BAZ2B: variants seen among roughly 807,000 people sequenced by gnomAD.
The protein encoded by BAZ2B is bromodomain adjacent to zinc finger domain 2B, also known as bromodomain adjacent to zinc finger domain protein 2B.
In BAZ2B, 91 loss-of-function variants were observed where a neutral mutation model predicts 246.0. The observed-to-expected ratio is 0.37, with a 90% CI of 0.31 to 0.44. The LOEUF is 0.44. Among genes scored for constraint, BAZ2B ranks in the 20% least tolerant of loss-of-function variants. The pLI is 1.00. For missense variants in BAZ2B, 2,332 were observed against 2,533.7 expected, an observed-to-expected ratio of 0.92 and a Z score of 1.71; for synonymous variants, 855 against 860.0, an observed-to-expected ratio of 0.99 and a Z score of 0.10.
chr2:159,669,994 C>T, the BAZ2B span, among the ~76,000 whole-genome samples: 2 of 151,716 alleles, frequency 1.3e-5, no homozygotes, highest in East Asian at 1.9e-4. Context: ...TTCTTGAGAT[C>T]GAGTCTTGCT....
intron 2 of BAZ2B, 26 bp from the exon 3 acceptor site, chr2:159,478,747 T>G: frequency 7.0e-7 from 1 of 1,431,610 alleles, no homozygotes; most frequent in Admixed American, 2.6e-5. Context: ...ATGTTAATTC[T>G]CAGTATCAGA....
At chr2:159,418,896 C>G (rs2150020765) in intron 13 of BAZ2B, among the ~76,000 whole-genome samples, 1 of 152,232 alleles carries the variant, frequency 6.6e-6, no homozygotes, top group East Asian at 1.9e-4. Flanking sequence ...ACTGAGACCT[C>G]TATCTATCCC....
intron 1 of BAZ2B, among the ~76,000 whole-genome samples, chr2:159,592,028 G>A (rs950245241): frequency 5.3e-5 from 8 of 152,192 alleles, no homozygotes; most frequent in Middle Eastern, 6.8e-3. Context: ...GTTGAGGCGT[G>A]AGGATCTGTT....
intron 2 of BAZ2B, among the ~76,000 whole-genome samples, chr2:159,498,881 G>A (rs992796046): frequency 5.3e-5 from 8 of 151,990 alleles, no homozygotes; most frequent in South Asian, 2.1e-4. Flanking sequence ...CATAAATAAC[G>A]TTGACTTTTA....
intron 2 of BAZ2B, among the ~76,000 whole-genome samples, chr2:159,522,987 C>T (rs1233413936): frequency 6.6e-6 from 1 of 152,130 alleles, no homozygotes; most frequent in Non-Finnish European, 1.5e-5. Context: ...GAATCTTGGC[C>T]AGGTATGGTG....
intron 2 of BAZ2B, among the ~76,000 whole-genome samples, chr2:159,550,204 G>A (rs1399825422): frequency 1.3e-5 from 2 of 152,168 alleles, no homozygotes; most frequent in Non-Finnish European, 2.9e-5. Context: ...TTTTGGCCAG[G>A]AGTGACAGAA....
chr2:159,445,067 C>A (rs888290841), intron 6 of BAZ2B, among the ~76,000 whole-genome samples: 2 of 152,078 alleles, frequency 1.3e-5, no homozygotes, highest in African/African-American at 4.8e-5. Context: ...TCAATGATGA[C>A]CTACATTTTA....
chr2:159,666,639 T>A, the BAZ2B span, among the ~76,000 whole-genome samples: 1 of 152,076 alleles, frequency 6.6e-6, no homozygotes, highest in African/African-American at 2.4e-5. Context: ...GTGGATCACT[T>A]GATGTCAGGG....
chr2:159,525,808 AT>A (rs1483109957), intron 2 of BAZ2B, among the ~76,000 whole-genome samples: 3 of 152,316 alleles, frequency 2.0e-5, no homozygotes, highest in African/African-American at 7.2e-5. Context: ...TGGGAGAGAT[AT>A]TTATTTGGCT....
chr2:159,354,696 T>A (rs2058912104), intron 27 of BAZ2B, among the ~76,000 whole-genome samples: 1 of 152,204 alleles, frequency 6.6e-6, no homozygotes, highest in South Asian at 2.1e-4. Flanking sequence ...GGATATTTAG[T>A]GTAAAGAGAT....
At chr2:159,579,866 C>G (rs916554014) in intron 1 of BAZ2B, among the ~76,000 whole-genome samples, 1 of 152,172 alleles carries the variant, frequency 6.6e-6, no homozygotes, top group Non-Finnish European at 1.5e-5. Flanking sequence ...CAAAATTTAA[C>G]AGCCCTTCAT....
intron 2 of BAZ2B, among the ~76,000 whole-genome samples, chr2:159,502,976 C>T (rs969391688): frequency 1.3e-5 from 2 of 152,162 alleles, no homozygotes; most frequent in Non-Finnish European, 2.9e-5. Flanking sequence ...TATATATCTT[C>T]TCTCTATTCC....
chr2:159,611,100 G>T (rs188026967), intron 1 of BAZ2B, among the ~76,000 whole-genome samples: 182 of 151,888 alleles, frequency 1.2e-3, no homozygotes, highest in Admixed American at 1.8e-3. Flanking sequence ...ACGGTCAACA[G>T]AAAAAACTGT....
the BAZ2B span, among the ~76,000 whole-genome samples, chr2:159,665,916 T>C: frequency 6.6e-6 from 1 of 152,190 alleles, no homozygotes; most frequent in Non-Finnish European, 1.5e-5. Flanking sequence ...AATTGTAATG[T>C]GTGTGAAATG....
intron 2 of BAZ2B, among the ~76,000 whole-genome samples, chr2:159,517,313 T>TC (rs967385428): frequency 1.1e-4 from 16 of 151,886 alleles, no homozygotes; most frequent in South Asian, 4.1e-4. Flanking sequence ...GTTTTTTTTT[T>TC]CCCCCCAAAT....
intron 8 of BAZ2B, chr2:159,434,169 T>TA (rs1453261361): frequency 6.6e-6 from 1 of 151,964 alleles, no homozygotes; most frequent in Non-Finnish European, 1.5e-5. Flanking sequence ...TTATTATTAT[T>TA]ATTATTTTTT....
chr2:159,538,848 G>C (rs1170867569), intron 2 of BAZ2B, among the ~76,000 whole-genome samples: 1 of 152,200 alleles, frequency 6.6e-6, no homozygotes, highest in Non-Finnish European at 1.5e-5. Context: ...GAGGGAAAAA[G>C]GAAGGGGAAG....
intron 1 of BAZ2B, among the ~76,000 whole-genome samples, chr2:159,560,436 T>C (rs2089708655): frequency 6.6e-6 from 1 of 152,216 alleles, no homozygotes; most frequent in African/African-American, 2.4e-5. Context: ...ACAAATCATG[T>C]GCTATTTGTA....
chr2:159,610,993 T>C (rs557047434), intron 1 of BAZ2B, among the ~76,000 whole-genome samples: 7 of 152,162 alleles, frequency 4.6e-5, no homozygotes, highest in Admixed American at 1.3e-4. Context: ...TCATTTACTT[T>C]TCCTGTTTTC....
Sources: allele counts gnomAD v4.1 joint callset (sites outside exome capture counted in the v4.1 genomes callset), GRCh38; gene constraint gnomAD v4.1.1; transcripts MANE v1.5; gene names NCBI Gene and HGNC (gene_info 2026-07-23, HGNC 2026-07-21).